The following COG6 variants were observed in gnomAD, a reference collection of about 807,000 sequenced individuals.
The protein encoded by COG6 is component of oligomeric golgi complex 6.
A neutral mutation model predicts 88.8 loss-of-function variants in COG6; 74 were observed. The ratio of observed to expected loss-of-function variants is 0.83; its 90% CI spans 0.69 to 1.01. The LOEUF is 1.01. Among genes scored for constraint, COG6 ranks in the 50% least tolerant of loss-of-function variants. The pLI is 0.00. For synonymous variants in COG6, 286 were observed against 278.7 expected (o/e 1.03, Z -0.26); for missense variants, 800 against 797.9 (o/e 1.00, Z -0.03).
chr13:39,789,360 A>G lies in COG6; in HGVS notation c.*1004A>G, dbSNP rs115721929. On this transcript the variant is annotated 3_prime_UTR_variant, in exon 19 of 19. Coordinates refer to the COG6 transcript ENST00000416691. Reference sequence around the variant, plus strand: ...TTTTGTTGTTAAGAATCATGCAGCAATGATGTACCTGTTAGACATGAGTTA... The same window carrying G: ...TTTTGTTGTTAAGAATCATGCAGCAGTGATGTACCTGTTAGACATGAGTTA... 4.5e-3 allele frequency: 678 copies of G among 152,354 alleles called. 4 individuals are homozygous for G. Among genetic ancestry groups the G allele is most frequent in the African/African-American group, 0.016 (646 of 41,580 alleles). The allele number at this position is 152,354 out of a possible 1,614,324, so 9.4% of individuals were successfully genotyped here. A position where few individuals can be genotyped will look rare whatever the true frequency, so the allele number is the denominator to read the frequency against.
Position 39,719,702 on chromosome 13 carries a change from G to A in COG6, c.1459G>A (p.Val487Ile), listed in dbSNP as rs200410517. The change falls in exon 15 of 19, where the codon GTA becomes ATA. Residue 487 changes from valine (V) to isoleucine (I), a missense_variant. By Grantham distance (29) the Val-to-Ile change is conservative. Transcript: ENST00000455146. ...GGATCCTCTCCTACAGATGTGTACT[G>A]TATCAGCCAGCAATTTAGGCACAGC... is the stretch of plus-strand genomic sequence containing the variant. ...VLDPLLQMCT[V>I]SASNLGTADM... 317 of 1,612,708 alleles carry A rather than the reference G, an allele frequency of 2.0e-4. No homozygotes were observed. Among genetic ancestry groups the A allele is most frequent in the Non-Finnish European group, 2.6e-4 (306 of 1,179,182 alleles).
chr13:39,750,269 T>C (rs1461892536), intron 18 of COG6, among the ~76,000 whole-genome samples: 1 of 152,204 alleles, frequency 6.6e-6, no homozygotes, highest in African/African-American at 2.4e-5. Context: ...AGGAAGTTAA[T>C]GTCATGGAAC....
chr13:39,675,713 A>G (rs1161894402), intron 4 of COG6, among the ~76,000 whole-genome samples: 1 of 152,132 alleles, frequency 6.6e-6, no homozygotes, highest in African/African-American at 2.4e-5. Context: ...TAAACTAAAG[A>G]GACAAATTTT....
intron 8 of COG6, among the ~76,000 whole-genome samples, chr13:39,686,046 T>C (rs1333524662): frequency 6.6e-6 from 1 of 152,210 alleles, no homozygotes; most frequent in Non-Finnish European, 1.5e-5. Context: ...ATAAACCGTC[T>C]TTCACATGTT....
chr13:39,721,328 T>C (rs976479574), intron 15 of COG6, among the ~76,000 whole-genome samples: 3 of 152,280 alleles, frequency 2.0e-5, no homozygotes, highest in African/African-American at 7.2e-5. Flanking sequence ...TTTGCCACCA[T>C]TGGATGTGTC....
intron 18 of COG6, among the ~76,000 whole-genome samples, chr13:39,765,365 T>A (rs1051576373): frequency 1.3e-5 from 2 of 152,262 alleles, no homozygotes; most frequent in Non-Finnish European, 2.9e-5. Context: ...TATTGTTCAC[T>A]TATCCTTCTC....
At chr13:39,772,877 C>T (rs1881359097) in intron 18 of COG6, among the ~76,000 whole-genome samples, 1 of 152,218 alleles carries the variant, frequency 6.6e-6, no homozygotes, top group Non-Finnish European at 1.5e-5. Flanking sequence ...CAGTTGCTAG[C>T]TGGTGAAGAC....
chr13:39,706,248 T>C (rs1342185341), intron 13 of COG6, among the ~76,000 whole-genome samples: 1 of 76,316 alleles, frequency 1.3e-5, no homozygotes, highest in African/African-American at 4.3e-5. Flanking sequence ...TATATATATA[T>C]ACTCCTTTAT....
At chr13:39,783,319 G>A (rs1036884538) in intron 18 of COG6, among the ~76,000 whole-genome samples, 12 of 152,172 alleles carry the variant, frequency 7.9e-5, no homozygotes, top group African/African-American at 2.7e-4. Context: ...ACAAGAGTGT[G>A]GCAGCCATTG....
chr13:39,736,052 G>A (rs920835240), intron 18 of COG6, among the ~76,000 whole-genome samples: 7 of 151,804 alleles, frequency 4.6e-5, no homozygotes, highest in African/African-American at 1.7e-4. Context: ...TCTTTCTCTA[G>A]GTTCGGAAAG....
chr13:39,755,407 T>C (rs936477557), downstream of COG6, among the ~76,000 whole-genome samples: 5 of 152,104 alleles, frequency 3.3e-5, no homozygotes, highest in African/African-American at 1.2e-4. Flanking sequence ...GCCTTTATCT[T>C]GCCTGTTATG....
chr13:39,739,674 A>T (rs1879947303), intron 18 of COG6, among the ~76,000 whole-genome samples: 2 of 152,168 alleles, frequency 1.3e-5, no homozygotes, highest in African/African-American at 4.8e-5. Context: ...AATATTGAAA[A>T]TCTACAGCAA....
At chr13:39,684,243 A>ATGTTTTTTTTTT (rs1876492152) in intron 8 of COG6, among the ~76,000 whole-genome samples, 1 of 67,382 alleles carries the variant, frequency 1.5e-5, no homozygotes, top group Non-Finnish European at 2.5e-5. Context: ...AATTTGGAAG[A>ATGTTTTTTTTTT]TTTTTTTTTT....
intron 18 of COG6, among the ~76,000 whole-genome samples, chr13:39,782,803 G>A (rs1881669870): frequency 6.6e-6 from 1 of 152,160 alleles, no homozygotes; most frequent in Non-Finnish European, 1.5e-5. Flanking sequence ...TCTGGAGTCT[G>A]TGGCTCACGT....
intron 18 of COG6, among the ~76,000 whole-genome samples, chr13:39,761,192 G>C (rs972476539): frequency 1.3e-5 from 2 of 151,854 alleles, no homozygotes; most frequent in African/African-American, 2.4e-5. Context: ...CAAAAACACT[G>C]TAATTTTCTT....
intron 18 of COG6, among the ~76,000 whole-genome samples, chr13:39,785,201 A>G (rs1419341510): frequency 6.6e-6 from 1 of 152,220 alleles, no homozygotes; most frequent in African/African-American, 2.4e-5. Context: ...TGCTCCAGAA[A>G]TAAAACTGGA....
chr13:39,790,432 G>A (rs1207664738), exon 19 of COG6: 1 of 152,012 alleles, frequency 6.6e-6, no homozygotes, highest in Middle Eastern at 3.2e-3. Context: ...TTTTCCCATT[G>A]TTGATCTTTC....
intron 18 of COG6, among the ~76,000 whole-genome samples, chr13:39,730,153 T>C (rs1879355976): frequency 6.6e-6 from 1 of 152,124 alleles, no homozygotes; most frequent in Non-Finnish European, 1.5e-5. Context: ...TTTAATTTAG[T>C]TTTTAAAATT....
intron 17 of COG6, among the ~76,000 whole-genome samples, chr13:39,725,228 A>T (rs1879070904): frequency 6.6e-6 from 1 of 151,912 alleles, no homozygotes; most frequent in South Asian, 2.1e-4. Flanking sequence ...AGTAATAGTA[A>T]TAATAATATG....
Sources: gnomAD v4.1 joint callset for allele counts (sites outside exome capture counted in the v4.1 genomes callset) on GRCh38, gnomAD v4.1.1 for gene constraint, MANE v1.5 for transcripts, NCBI Gene and HGNC (gene_info 2026-07-23, HGNC 2026-07-21) for gene names.